The following LIN7A variants were observed in gnomAD, a reference collection of about 807,000 sequenced individuals.
LIN7A encodes lin-7 cell polarity scaffold A, also known as protein lin-7 homolog A.
In LIN7A, 25 loss-of-function variants were observed where a neutral mutation model predicts 29.8. That is an observed-to-expected ratio of 0.84 (90% confidence interval 0.61 to 1.17). The LOEUF (loss-of-function observed/expected upper bound fraction) is 1.17, where lower values mean the gene tolerates loss of function less well. Among genes scored for constraint, LIN7A ranks in the 50% most tolerant of loss-of-function variants. LIN7A has a pLI of 0.00. For missense variants in LIN7A, 239 were observed against 287.0 expected (o/e 0.83, Z 1.21); for synonymous variants, 118 against 107.5 (o/e 1.10, Z -0.60).
rs572908663 is a variant in LIN7A at position 80,814,844 on chromosome 12, A to G, written c.484-3161T>C. Among the ~76,000 whole-genome samples, 8 of 152,308 alleles carry G rather than the reference A, an allele frequency of 5.3e-5. No individual in the cohort carries two copies. The South Asian group carries it at 1.5e-3, about 28-fold the overall frequency. On this transcript the variant is annotated intron_variant, in intron 4 of 5. Transcript: ENST00000552864. ...GGACTCAGATTCTCTTTAAGGCTCA[A>G]CAGAGTCAACAGGTCTGTTGGTTTG... is the stretch of plus-strand genomic sequence containing the variant.
At chr12:80,809,837 AT>A (rs1370112494) in intron 5 of LIN7A, among the ~76,000 whole-genome samples, 9 of 152,140 alleles carry the variant, frequency 5.9e-5, no homozygotes, top group Admixed American at 4.6e-4. Flanking sequence ...TCTTAGACAC[AT>A]TTTATTTCTA....
At chr12:80,804,798 GC>G (rs1271388980) in intron 5 of LIN7A, among the ~76,000 whole-genome samples, 1 of 151,930 alleles carries the variant, frequency 6.6e-6, no homozygotes, top group Non-Finnish European at 1.5e-5. Context: ...AAGTGATCCA[GC>G]CGCTTTGGCC....
At chr12:80,918,872 TA>T (rs1877156444) in intron 1 of LIN7A, among the ~76,000 whole-genome samples, 1 of 152,204 alleles carries the variant, frequency 6.6e-6, no homozygotes, top group Non-Finnish European at 1.5e-5. Context: ...AATGATCTCA[TA>T]AGATTATGAT....
intron 1 of LIN7A, among the ~76,000 whole-genome samples, chr12:80,889,671 C>T (rs1045570830): frequency 1.2e-4 from 18 of 152,098 alleles, no homozygotes; most frequent in Admixed American, 5.9e-4. Flanking sequence ...TATTCTGATA[C>T]TCCAATAACG....
chr12:80,859,844 A>G (rs185470530), intron 2 of LIN7A, among the ~76,000 whole-genome samples: 4 of 152,314 alleles, frequency 2.6e-5, no homozygotes, highest in South Asian at 2.1e-4. Context: ...TTAACAATCT[A>G]TCATACTTAC....
intron 5 of LIN7A, among the ~76,000 whole-genome samples, chr12:80,809,860 T>A (rs1414241526): frequency 6.6e-6 from 1 of 152,232 alleles, no homozygotes; most frequent in African/African-American, 2.4e-5. Context: ...TTTACAACTT[T>A]TTCAAAACTC....
intron 4 of LIN7A, among the ~76,000 whole-genome samples, chr12:80,835,323 C>CT (rs917361206): frequency 6.6e-6 from 1 of 152,078 alleles, no homozygotes; most frequent in Admixed American, 6.5e-5. Flanking sequence ...TATCATTTCT[C>CT]TTTTTTATCC....
At chr12:80,824,387 A>G (rs954945954) in intron 4 of LIN7A, among the ~76,000 whole-genome samples, 1 of 147,898 alleles carries the variant, frequency 6.8e-6, no homozygotes, top group East Asian at 2.0e-4. Context: ...CATTGCCAAC[A>G]AAAAAAAAAG....
chr12:80,937,747 A>G lies in LIN7A; in HGVS notation c.-25T>C. ...TCAGCAACCGCTCGTAGTGAGAAAA[A>G]AAGGAGGAGATTGGGGGCGGGGGTG... On this transcript the variant is annotated 5_prime_UTR_variant, in exon 1 of 6. Transcript: ENST00000552864. 1 of 1,325,744 alleles carries G rather than the reference A, an allele frequency of 7.5e-7. No individual in the cohort carries two copies. The highest frequency in any genetic ancestry group is 1.0e-6 in the Non-Finnish European group (1 of 1,004,092). The allele number at this position is 1,325,744 out of a possible 1,614,324, so 82.1% of individuals were successfully genotyped here.
chr12:80,894,044 G>A (rs957795441), intron 1 of LIN7A, among the ~76,000 whole-genome samples: 1 of 152,140 alleles, frequency 6.6e-6, no homozygotes, highest in Non-Finnish European at 1.5e-5. Context: ...ATTCCCTTAA[G>A]TTCTATAAGA....
chr12:80,850,537 C>T (rs1248966190), intron 2 of LIN7A, among the ~76,000 whole-genome samples: 1 of 152,054 alleles, frequency 6.6e-6, no homozygotes, highest in Non-Finnish European at 1.5e-5. Flanking sequence ...CAATGTTGCC[C>T]TTCAGGAGAC....
chr12:80,802,940 T>A (rs2121490473), intron 5 of LIN7A, among the ~76,000 whole-genome samples: 1 of 152,376 alleles, frequency 6.6e-6, no homozygotes, highest in East Asian at 1.9e-4. Context: ...AGGCTTCTTT[T>A]GAGAAATGTC....
rs1006564366 is a variant in LIN7A, at chr12:80,889,238, T to G, written c.201+13A>C. 9 of 1,441,860 alleles carry G rather than the reference T, an allele frequency of 6.2e-6. No homozygotes were observed. The highest frequency in any genetic ancestry group is 1.7e-4 in the Middle Eastern group (1 of 5,738). The allele number at this position is 1,441,860 out of a possible 1,614,324, so 89.3% of individuals were successfully genotyped here. A position where few individuals can be genotyped will look rare whatever the true frequency, so the allele number is the denominator to read the frequency against. ...TATGGCTGAATTTAGTTATTAAAATTTTAGTGCCATACCTCTCGAATAGCT... is the reference window on the plus strand; with the variant it reads ...TATGGCTGAATTTAGTTATTAAAATGTTAGTGCCATACCTCTCGAATAGCT... On this transcript the variant is annotated intron_variant, in intron 2 of 5. Coordinates refer to ENST00000552864, the MANE Select transcript of LIN7A (RefSeq NM_004664.4).
Position 80,878,239 on chromosome 12 carries a change from A to G in LIN7A, c.201+11012T>C, listed in dbSNP as rs142157671. On this transcript the variant is annotated intron_variant, in intron 2 of 5. Coordinates refer to ENST00000552864, the MANE Select transcript of LIN7A (RefSeq NM_004664.4). The stretch of plus-strand genomic sequence containing the variant: ...GATGGTTCCTGTACTTGCTGCCAGA[A>G]AGTGACAAGTTGATGTTACAAACAC... Among the ~76,000 whole-genome samples, 106 of 152,318 alleles carry G rather than the reference A, an allele frequency of 7.0e-4. 1 individual carries two copies. Among genetic ancestry groups the G allele is most frequent in the Non-Finnish European group, 1.3e-3 (89 of 68,032 alleles).
At chr12:80,856,871 T>C (rs1233784552) in intron 2 of LIN7A, among the ~76,000 whole-genome samples, 1 of 152,168 alleles carries the variant, frequency 6.6e-6, no homozygotes. Context: ...CTCCACTGAA[T>C]TTGACGATTG....
intron 1 of LIN7A, among the ~76,000 whole-genome samples, chr12:80,915,406 C>T (rs1876982457): frequency 6.6e-6 from 1 of 152,096 alleles, no homozygotes; most frequent in South Asian, 2.1e-4. Context: ...GAAAAGGGAA[C>T]ATTTATACAC....
At position 80,845,784 on chromosome 12, in the gene LIN7A, A is replaced by T; in HGVS notation, c.429T>A (p.Ala143=). ...YISRIIPGGV[A]ERHGGLKRGD... ...CTCTTTTGAGGCCTCCGTGTCTTTC[A>T]GCCACCCCTCCAGGAATTATGCGAG... Residue 143 remains alanine, a synonymous_variant, in exon 4 of 6, where the codon GCT becomes GCA. Transcript: ENST00000552864. 1 of 1,613,944 alleles carries T rather than the reference A, an allele frequency of 6.2e-7. No homozygotes were observed.
intron 1 of LIN7A, among the ~76,000 whole-genome samples, chr12:80,904,811 C>T (rs1485897677): frequency 6.6e-6 from 1 of 151,952 alleles, no homozygotes; most frequent in Non-Finnish European, 1.5e-5. Context: ...TTTTTTTATG[C>T]TTCATATATA....
chr12:80,803,683 A>G (rs1412299109), intron 5 of LIN7A, among the ~76,000 whole-genome samples: 1 of 152,094 alleles, frequency 6.6e-6, no homozygotes, highest in African/African-American at 2.4e-5. Flanking sequence ...TGGAATTTTG[A>G]TAGTAAGAGC....
Sources: allele counts gnomAD v4.1 joint callset (sites outside exome capture counted in the v4.1 genomes callset), GRCh38; gene constraint gnomAD v4.1.1; transcripts MANE v1.5; gene names NCBI Gene and HGNC (gene_info 2026-07-23, HGNC 2026-07-21).